Variants in LTK observed in about 807,000 individuals in gnomAD.
The protein encoded by LTK is leukocyte tyrosine kinase receptor.
A neutral mutation model predicts 101.5 loss-of-function variants in LTK; 117 were observed. The ratio of observed to expected loss-of-function variants is 1.15; its 90% CI spans 0.99 to 1.34. LTK has a LOEUF of 1.34. Among genes scored for constraint, LTK ranks in the 40% most tolerant of loss-of-function variants. The probability of loss-of-function intolerance (pLI) is 0.00; values close to 1 mark genes in which losing one functional copy is unlikely to be tolerated. For missense variants in LTK, 1,252 were observed against 1,164.7 expected (o/e 1.07, Z -1.09); for synonymous variants, 563 against 494.2 (o/e 1.14, Z -1.85).
Position 41,511,349 on chromosome 15 carries a change from G to A in LTK, c.815-3C>T. 1 of 1,358,852 alleles carries A rather than the reference G, an allele frequency of 7.4e-7. No individual in the cohort carries two copies. Among genetic ancestry groups the A allele is most frequent in the Non-Finnish European group, 9.4e-7 (1 of 1,063,360 alleles). 84.2% of individuals were successfully genotyped at this position (1,358,852 alleles called of 1,614,324 possible). A position where few individuals can be genotyped will look rare whatever the true frequency, so the allele number is the denominator to read the frequency against. Reference sequence around the variant, plus strand: ...CGACGTCCAGCCGCCCCCACCACCTGCAGAGCGACAGCAGGAAGGTTGGCA... The same window carrying A: ...CGACGTCCAGCCGCCCCCACCACCTACAGAGCGACAGCAGGAAGGTTGGCA... On this transcript the variant is annotated splice_region_variant and splice_polypyrimidine_tract_variant and intron_variant, in intron 6 of 19. Transcript: ENST00000263800. The surrounding 1 kb of genome is among the most constrained non-coding windows in gnomAD (Gnocchi z 5.9).
rs529788977 is a variant in LTK at position 41,506,818 on chromosome 15, G to A, written c.1541+277C>T. The stretch of plus-strand genomic sequence containing the variant: ...TTGGTCAGGCTGGTCTCGAACTCCC[G>A]ACCTCAGGTGACCTGCCTGCCTCGA... On this transcript the variant is annotated intron_variant, in intron 11 of 19. Coordinates refer to ENST00000263800, the MANE Select transcript of LTK (RefSeq NM_002344.6). Among the ~76,000 whole-genome samples the A allele has an allele frequency of 3.9e-4, 59 of 152,266 alleles. No homozygotes were observed. In the East Asian group the frequency reaches 7.7e-3, roughly 20 times the overall value.
In LTK at chr15:41,505,543, G is replaced by A. The variant is rs1290456485; in HGVS notation, c.1698-13C>T. 6 of 1,613,652 alleles carry A rather than the reference G, an allele frequency of 3.7e-6. No individual in the cohort carries two copies. The highest frequency in any genetic ancestry group is 1.3e-5 in the African/African-American group (1 of 75,042). On this transcript the variant is annotated splice_polypyrimidine_tract_variant and intron_variant, in intron 13 of 19. Coordinates refer to ENST00000263800, the MANE Select transcript of LTK (RefSeq NM_002344.6). ...ATGGCGAAACTTGCTGAGTGGGGTG[G>A]GGGACATATCCCGTTACCAGGAGGG... is the stretch of plus-strand genomic sequence containing the variant.
At chr15:41,512,424 G>GA (rs1018348257) in intron 3 of LTK, among the ~76,000 whole-genome samples, 159 bp from the exon 4 acceptor site, 1 of 152,324 alleles carries the variant, frequency 6.6e-6, no homozygotes, top group African/African-American at 2.4e-5. Flanking sequence ...TTTGCACACC[G>GA]AAAAATCAGA....
In LTK at chr15:41,513,764, T is replaced by G; in HGVS notation, c.-55A>C. ...CCTTGCGGTCGCGGCCACACCCCTG[T>G]CAACCTAAAGTTGACAGCTCATTTT... On this transcript the variant is annotated 5_prime_UTR_variant, in exon 1 of 20. Coordinates refer to ENST00000263800, the MANE Select transcript of LTK (RefSeq NM_002344.6). 2.0e-6 allele frequency: 3 copies of G among 1,515,312 alleles called. No homozygotes were observed. Among genetic ancestry groups the G allele is most frequent in the Non-Finnish European group, 2.8e-6 (3 of 1,090,556 alleles). 93.9% of individuals were successfully genotyped at this position (1,515,312 alleles called of 1,614,324 possible).
intron 9 of LTK, 138 bp from the exon 10 acceptor site, chr15:41,507,795 C>T (rs987671422): frequency 1.1e-6 from 1 of 936,194 alleles, no homozygotes; most frequent in Non-Finnish European, 1.6e-6. Context: ...GCAAAAGCAA[C>T]CTCTCCCTCT....
chr15:41,510,158 C>G (rs1289749512), intron 7 of LTK, among the ~76,000 whole-genome samples: 7 of 151,814 alleles, frequency 4.6e-5, no homozygotes, highest in Non-Finnish European at 8.8e-5. Context: ...AGGCATATGC[C>G]ACCACGCCCG....
At position 41,511,099 on chromosome 15, in the gene LTK, A is replaced by G; in HGVS notation, c.997+65T>C. On this transcript the variant is annotated intron_variant, in intron 7 of 19. Coordinates refer to ENST00000263800, the MANE Select transcript of LTK (RefSeq NM_002344.6). The surrounding 1 kb of genome is among the most constrained non-coding windows in gnomAD (Gnocchi z 5.9). ...TATCCTCCCGAGGGCTCCGGCCTGT[A>G]CTTAGGTTCTAACATCACCTCACCC... 7.6e-7 allele frequency: 1 copy of G among 1,321,514 alleles called. No individual in the cohort carries two copies. The highest frequency in any genetic ancestry group is 3.0e-5 in the East Asian group (1 of 33,214). 81.9% of individuals were successfully genotyped at this position (1,321,514 alleles called of 1,614,324 possible). A position where few individuals can be genotyped will look rare whatever the true frequency, so the allele number is the denominator to read the frequency against.
In LTK at chr15:41,504,871, G is replaced by A; in HGVS notation, c.2022C>T (p.Ala674=). Residue 674 remains alanine (A), a synonymous_variant, in exon 17 of 20, where the codon GCC becomes GCT. Coordinates refer to ENST00000263800, the MANE Select transcript of LTK (RefSeq NM_002344.6). ...CCCGGTCCCCCCTGCGGTAATAACT[G>A]GCCCTACAGGAGGGAGGAGGTGAAT... ...DFGMARDIYR[A]SYYRRGDRAL... 4 of 1,611,966 alleles carry A rather than the reference G, an allele frequency of 2.5e-6. No homozygotes were observed. The highest frequency in any genetic ancestry group is 2.7e-5 in the African/African-American group (2 of 75,012).
At position 41,503,642 on chromosome 15, in the gene LTK, G is replaced by T; in HGVS notation, c.*354C>A. 1 of 581,776 alleles carries T rather than the reference G, an allele frequency of 1.7e-6. No individual in the cohort carries two copies. Among genetic ancestry groups the T allele is most frequent in the Non-Finnish European group, 3.3e-6 (1 of 302,016 alleles). The allele number at this position is 581,776 out of a possible 1,614,324, so 36.0% of individuals were successfully genotyped here. ...CCCTGGCATCCACAGATCGCTGGAG[G>T]ATGAGAAGAGCTTTTTATTAGAAGC... On this transcript the variant is annotated 3_prime_UTR_variant, in exon 20 of 20. Transcript: ENST00000263800.
At position 41,511,336 on chromosome 15, in the gene LTK, G is replaced by A. The variant is rs1315918769; in HGVS notation, c.825C>T (p.Gly275=). ...GGRGGAAGGG[G]GWTSRAPSPQ... The stretch of plus-strand genomic sequence containing the variant: ...GAGAGGGAGCCCGCGACGTCCAGCC[G>A]CCCCCACCACCTGCAGAGCGACAGC... The change falls in exon 7 of 20, where the codon GGC becomes GGT. Residue 275 remains glycine, a synonymous_variant. Transcript: ENST00000263800. The surrounding 1 kb of genome is among the most constrained non-coding windows in gnomAD (Gnocchi z 5.9). 2.1e-5 allele frequency: 28 copies of A among 1,357,262 alleles called. No homozygotes were observed. The highest frequency in any genetic ancestry group is 2.5e-5 in the Non-Finnish European group (27 of 1,062,636). The allele number at this position is 1,357,262 out of a possible 1,614,324, so 84.1% of individuals were successfully genotyped here.
chr15:41,504,059 G>A lies in LTK; in HGVS notation c.2532C>T (p.Leu844=), dbSNP rs770957945. The change falls in exon 20 of 20, where the codon CTC becomes CTT. Residue 844 remains leucine (L), a synonymous_variant. Coordinates refer to ENST00000263800, the MANE Select transcript of LTK (RefSeq NM_002344.6). ...GGAGGCCCCTGGATTTGAGGGGCTT[G>A]AGGCCAGAGGACAGCCAGGGGCCAA... ...SPLGPWLSSG[L]KPLKSRGLQP... 6.2e-7 allele frequency: 1 copy of A among 1,613,854 alleles called. No individual in the cohort carries two copies. Among genetic ancestry groups the A allele is most frequent in the East Asian group, 2.2e-5 (1 of 44,882 alleles).
chr15:41,507,202 C>A lies in LTK; in HGVS notation c.1434G>T (p.Arg478Ser), dbSNP rs750857085. 6.2e-7 allele frequency: 1 copy of A among 1,613,846 alleles called. No individual in the cohort carries two copies. Among genetic ancestry groups the A allele is most frequent in the Non-Finnish European group, 8.5e-7 (1 of 1,179,948 alleles). Residue 478 changes from arginine (R) to serine (S), a missense_variant, in exon 11 of 20, where the codon AGG becomes AGT. Arg to Ser is a moderately radical substitution (Grantham distance 110, BLOSUM62 -1). Transcript: ENST00000263800. Reference protein sequence around the residue: ...ELSKLRTSAIRTAPNPYYCQV... With the variant: ...ELSKLRTSAISTAPNPYYCQV... The stretch of plus-strand genomic sequence containing the variant: ...GGCAATAATAGGGATTGGGGGCTGT[C>A]CTGATGGCAGAGGTTCGAAGCTTGC...
intron 3 of LTK, 92 bp from the exon 4 acceptor site, chr15:41,512,357 T>C: frequency 7.2e-7 from 1 of 1,385,480 alleles, no homozygotes; most frequent in South Asian, 1.4e-5. Context: ...CCAGAATTAT[T>C]TTTTATCTGA....
chr15:41,506,643 T>G (rs1395746964), intron 11 of LTK, among the ~76,000 whole-genome samples: 1 of 151,594 alleles, frequency 6.6e-6, no homozygotes, highest in East Asian at 1.9e-4. Context: ...CTGGCTGGAG[T>G]GCAATGGCGC....
At position 41,504,743 on chromosome 15, in the gene LTK, TG is replaced by T. The variant is rs562881917; in HGVS notation, c.2120+29del. ...GATTAGCCTCAGGGGAGGGGAACAGTGGGGAAGGGGAGGGGAAGGGTGTTAT... is the reference window on the plus strand; with the variant it reads ...GATTAGCCTCAGGGGAGGGGAACAGTGGGAAGGGGAGGGGAAGGGTGTTAT... On this transcript the variant is annotated intron_variant, in intron 17 of 19. Coordinates refer to ENST00000263800, the MANE Select transcript of LTK (RefSeq NM_002344.6). The T allele has an allele frequency of 1.2e-5, 19 of 1,586,834 alleles. No individual in the cohort carries two copies. The South Asian group carries it at 1.9e-4, about 16-fold the overall frequency.
At position 41,504,511 on chromosome 15, in the gene LTK, C is replaced by T. The variant is rs755550452; in HGVS notation, c.2250G>A (p.Gly750=). 11 of 1,612,834 alleles carry T rather than the reference C, an allele frequency of 6.8e-6. No homozygotes were observed. Among genetic ancestry groups the T allele is most frequent in the Non-Finnish European group, 9.3e-6 (11 of 1,179,410 alleles). The change falls in exon 18 of 20, where the codon GGG becomes GGA. Residue 750 remains glycine, a synonymous_variant. Transcript: ENST00000263800. ...CCGGGCAGCACTCAACTCACACAGG[C>T]CCTGGGCAGCCCCTAGGAGGGTCCA... ...GRMDPPRGCP[G]PVYRIMTQCW... is the part of the protein sequence containing the mutation.
intron 11 of LTK, 27 bp from the exon 12 acceptor site, chr15:41,506,032 T>C (rs368161387): frequency 1.3e-6 from 2 of 1,534,128 alleles, no homozygotes; most frequent in African/African-American, 1.4e-5. Flanking sequence ...TGGAAGGGAG[T>C]GGGCAGGCGG....
chr15:41,504,922 G>C, intron 16 of LTK, 48 bp from the exon 17 acceptor site: 1 of 1,596,192 alleles, frequency 6.3e-7, no homozygotes, highest in Non-Finnish European at 8.6e-7. Flanking sequence ...ACCAAGGTGC[G>C]GGGAAAACCC....
intron 7 of LTK, among the ~76,000 whole-genome samples, chr15:41,510,266 A>AAAGTGTTG (rs1388369495): frequency 2.6e-5 from 4 of 152,046 alleles, no homozygotes; most frequent in African/African-American, 9.7e-5. Context: ...TCCGCCGCCC[A>AAAGTGTTG]AAGTGTTGAG....
Sources: gnomAD v4.1 joint callset for allele counts (sites outside exome capture counted in the v4.1 genomes callset) on GRCh38, gnomAD v4.1.1 for gene constraint, Gnocchi (gnomAD v3.1) non-coding constraint, MANE v1.5 for transcripts, NCBI Gene and HGNC (gene_info 2026-07-23, HGNC 2026-07-21) for gene names.